TNIK: variants seen among roughly 807,000 people sequenced by gnomAD.
TNIK encodes TRAF2 and NCK-interacting protein kinase.
Under a neutral mutation model 191.3 loss-of-function variants are expected in TNIK, and 49 were observed. The observed-to-expected ratio is 0.26, with a 90% CI of 0.20 to 0.32. The LOEUF (loss-of-function observed/expected upper bound fraction) is 0.32. TNIK is among the 10% of genes least tolerant of loss of function. TNIK has a pLI of 1.00. For missense variants in TNIK, 1,155 were observed against 1,702.3 expected, an observed-to-expected ratio of 0.68 and a Z score of 5.66; for synonymous variants, 594 against 600.9, an observed-to-expected ratio of 0.99 and a Z score of 0.17.
chr3:171,339,794 T>C (rs148559485), intron 2 of TNIK, among the ~76,000 whole-genome samples: 154 of 152,332 alleles, frequency 1.0e-3, no homozygotes, highest in African/African-American at 3.5e-3. Context: ...TCAGATTGTG[T>C]GCCTTGGCTG....
At chr3:171,420,437 C>T (rs28584916) in intron 1 of TNIK, among the ~76,000 whole-genome samples, 2 of 152,126 alleles carry the variant, frequency 1.3e-5, no homozygotes, top group Non-Finnish European at 2.9e-5. Flanking sequence ...CAGTTCCAAT[C>T]CAAAACCAGT....
At chr3:171,346,434 T>G (rs1432614913) in intron 2 of TNIK, among the ~76,000 whole-genome samples, 1 of 152,200 alleles carries the variant, frequency 6.6e-6, no homozygotes, top group Non-Finnish European at 1.5e-5. Context: ...ATGTCATCCT[T>G]GCACTGCACT....
At chr3:171,444,504 A>T (rs1727226497) in intron 1 of TNIK, among the ~76,000 whole-genome samples, 1 of 152,064 alleles carries the variant, frequency 6.6e-6, no homozygotes, top group Non-Finnish European at 1.5e-5. Context: ...AAAAACAGGA[A>T]ATCGACATCA....
At position 171,228,157 on chromosome 3, in the gene TNIK, A is replaced by C; in HGVS notation, c.180+8T>G. 1.9e-6 allele frequency: 3 copies of C among 1,613,514 alleles called. No homozygotes were observed. Among genetic ancestry groups the C allele is most frequent in the Non-Finnish European group, 2.5e-6 (3 of 1,179,542 alleles). On this transcript the variant is annotated splice_region_variant and intron_variant, in intron 3 of 32. Coordinates refer to ENST00000436636, the MANE Select transcript of TNIK (RefSeq NM_015028.4). The stretch of plus-strand genomic sequence containing the variant: ...TGGCTATTGAGATGGCAAAATAAAG[A>C]CACTTACCCCTGTGACATCCATAAC...
chr3:171,436,285 A>C (rs1290108505), intron 1 of TNIK, among the ~76,000 whole-genome samples: 4 of 151,632 alleles, frequency 2.6e-5, no homozygotes, highest in African/African-American at 9.7e-5. Context: ...GTAAACCTAC[A>C]TATACCCAGT....
chr3:171,190,858 T>G (rs1339469445), intron 5 of TNIK, 71 bp from the exon 6 acceptor site: 1 of 1,230,312 alleles, frequency 8.1e-7, no homozygotes, highest in Non-Finnish European at 1.1e-6. Flanking sequence ...ATTTTGACTG[T>G]TAAGGATCCA....
At chr3:171,391,704 CT>C (rs1400102130) in intron 1 of TNIK, among the ~76,000 whole-genome samples, 2 of 152,182 alleles carry the variant, frequency 1.3e-5, no homozygotes, top group Non-Finnish European at 2.9e-5. Flanking sequence ...TCTTTGTGAA[CT>C]TCCATGCATA....
intron 1 of TNIK, among the ~76,000 whole-genome samples, chr3:171,396,824 GTAT>G (rs1720316271): frequency 1.3e-5 from 2 of 152,064 alleles, no homozygotes; most frequent in South Asian, 4.2e-4. Context: ...CATTTTTAAG[GTAT>G]TTTTCATGTT....
At chr3:171,211,295 GA>G (rs1740787201) in intron 3 of TNIK, 54 bp from the exon 4 acceptor site, 1 of 1,545,344 alleles carries the variant, frequency 6.5e-7, no homozygotes, top group Admixed American at 2.0e-5. Context: ...TTGTTAGTAG[GA>G]TTCTGTTCTT....
rs575704013 is a variant in TNIK at position 171,260,646 on chromosome 3, C to T, written c.124-32425G>A. Among the ~76,000 whole-genome samples, 4 of 152,310 alleles carry T rather than the reference C, an allele frequency of 2.6e-5. No individual in the cohort carries two copies. In the South Asian group the frequency reaches 6.2e-4, roughly 24 times the overall value. On this transcript the variant is annotated intron_variant, in intron 2 of 32. Coordinates refer to ENST00000436636, the MANE Select transcript of TNIK (RefSeq NM_015028.4). ...GAAAACAAGGGGTTTGAGCTCAGCT[C>T]ACAATGGTGGCTGCACCATCTGGTT...
intron 2 of TNIK, among the ~76,000 whole-genome samples, chr3:171,295,225 C>G (rs573765261): frequency 1.3e-5 from 2 of 152,264 alleles, no homozygotes; most frequent in Admixed American, 6.5e-5. Flanking sequence ...GGTAACTGCC[C>G]TAAGATTTGG....
At chr3:171,194,466 A>C in intron 5 of TNIK, 59 bp downstream of exon 5, 2 of 1,435,564 alleles carry the variant, frequency 1.4e-6, no homozygotes, top group Non-Finnish European at 9.7e-7. Flanking sequence ...ATCCCTCATA[A>C]GATATCATGT....
intron 2 of TNIK, among the ~76,000 whole-genome samples, chr3:171,235,485 C>G (rs1161980801): frequency 6.6e-6 from 1 of 152,136 alleles, no homozygotes; most frequent in African/African-American, 2.4e-5. Flanking sequence ...AGCACAATAG[C>G]CTTCCCTATC....
chr3:171,413,609 G>A (rs1375397078), intron 1 of TNIK, among the ~76,000 whole-genome samples: 1 of 152,070 alleles, frequency 6.6e-6, no homozygotes, highest in Non-Finnish European at 1.5e-5. Context: ...GACCAATTTG[G>A]CCCCCATTAA....
At chr3:171,263,969 C>G (rs902422792) in intron 2 of TNIK, among the ~76,000 whole-genome samples, 2 of 151,508 alleles carry the variant, frequency 1.3e-5, no homozygotes, top group African/African-American at 4.9e-5. Flanking sequence ...AAAGCTGGGA[C>G]CAGGTCACCT....
intron 1 of TNIK, among the ~76,000 whole-genome samples, chr3:171,454,315 A>G (rs566494901): frequency 6.6e-6 from 1 of 152,328 alleles, no homozygotes; most frequent in Admixed American, 6.5e-5. Context: ...CGGAAGATTA[A>G]TTCCAGGGCA....
At chr3:171,113,025 A>AT (rs1391824028) in intron 18 of TNIK, among the ~76,000 whole-genome samples, 5 of 152,124 alleles carry the variant, frequency 3.3e-5, no homozygotes, top group African/African-American at 4.8e-5. Context: ...GGTATGACAG[A>AT]TTTTCACTGA....
At chr3:171,107,451 C>T (rs959953424) in intron 20 of TNIK, among the ~76,000 whole-genome samples, 3 of 147,546 alleles carry the variant, frequency 2.0e-5, no homozygotes, top group African/African-American at 8.0e-5. Flanking sequence ...AAAAGATTCT[C>T]AAGAGATTTA....
chr3:171,434,452 T>C (rs1187670652), intron 1 of TNIK, among the ~76,000 whole-genome samples: 8 of 151,496 alleles, frequency 5.3e-5, no homozygotes, highest in Admixed American at 1.3e-4. Flanking sequence ...TACTTATTTA[T>C]TTATTTATTT....
Sources: gnomAD v4.1 joint callset for allele counts (sites outside exome capture counted in the v4.1 genomes callset) on GRCh38, gnomAD v4.1.1 for gene constraint, MANE v1.5 for transcripts, NCBI Gene and HGNC (gene_info 2026-07-23, HGNC 2026-07-21) for gene names.